AHCTF1: variants seen among roughly 807,000 people sequenced by gnomAD.
The protein encoded by AHCTF1 is AT-hook containing transcription factor 1, also known as protein ELYS.
In AHCTF1, 24 loss-of-function variants were observed where a neutral mutation model predicts 248.4. That is an observed-to-expected ratio of 0.10 (90% CI 0.07 to 0.14). The LOEUF (loss-of-function observed/expected upper bound fraction) is 0.14. AHCTF1 is among the 10% of genes least tolerant of loss of function. The pLI, the probability that AHCTF1 is intolerant of heterozygous loss-of-function variation, is 1.00. For synonymous variants in AHCTF1, 786 were observed against 929.8 expected (o/e 0.85, Z 2.81); for missense variants, 2,206 against 2,636.2 (o/e 0.84, Z 3.57).
intron 26 of AHCTF1, 50 bp from the exon 27 acceptor site, chr1:246,864,166 T>C (rs1183062806): frequency 1.3e-6 from 2 of 1,557,112 alleles, no homozygotes; most frequent in Non-Finnish European, 1.8e-6. Context: ...AACAAAAGAA[T>C]TTAGTATCCC....
At chr1:246,889,903 G>T in intron 17 of AHCTF1, 63 bp downstream of exon 17, 2 of 1,226,030 alleles carry the variant, frequency 1.6e-6, no homozygotes, top group South Asian at 1.3e-5. Context: ...GTAAAACGAT[G>T]AACACTATTC....
intron 33 of AHCTF1, among the ~76,000 whole-genome samples, chr1:246,845,049 T>G (rs1487800269): frequency 4.5e-4 from 68 of 152,114 alleles, no homozygotes; most frequent in Admixed American, 4.5e-3. Flanking sequence ...TGTGGCAGGG[T>G]AGGTGGTAAG....
In AHCTF1 at chr1:246,843,833, T is replaced by G. The variant is rs756277027; in HGVS notation, c.6487A>C (p.Lys2163Gln). ...ISPPALRSRQ[K>Q]NTSNKNKLED... is the part of the protein sequence containing the mutation. ...AGCTTGTTCTTATTGGATGTGTTTT[T>G]TTGTCTGCTCCTTAAAGCAGGAGGT... is the stretch of plus-strand genomic sequence containing the variant. Residue 2163 changes from lysine to glutamine, a missense_variant, in exon 34 of 36, where the codon AAA becomes CAA. Transcript: ENST00000648844. 4.0e-6 allele frequency: 6 copies of G among 1,497,750 alleles called. No homozygotes were observed. The highest frequency in any genetic ancestry group is 5.3e-6 in the Non-Finnish European group (6 of 1,123,534). The allele number at this position is 1,497,750 out of a possible 1,614,324, so 92.8% of individuals were successfully genotyped here.
At position 246,894,681 on chromosome 1, in the gene AHCTF1, T is replaced by G. The variant is rs778469454; in HGVS notation, c.1782A>C (p.Thr594=). Reference sequence around the variant, plus strand: ...TACATAGTCTGTCAAATTCCTCTTTTGTGAGAACCACTTTATTCCACGTCC... The same window carrying G: ...TACATAGTCTGTCAAATTCCTCTTTGGTGAGAACCACTTTATTCCACGTCC... ...LEWTWNKVVL[T]KEEFDRLCVP... Residue 594 remains threonine (T), a synonymous_variant, in exon 14 of 36, where the codon ACA becomes ACC. Transcript: ENST00000648844. The G allele has an allele frequency of 3.7e-6, 6 of 1,612,982 alleles. No individual in the cohort carries two copies. Among genetic ancestry groups the G allele is most frequent in the Non-Finnish European group, 5.1e-6 (6 of 1,179,872 alleles).
At chr1:246,907,900 A>G in intron 4 of AHCTF1, 142 bp from the exon 5 acceptor site, 2 of 700,984 alleles carry the variant, frequency 2.9e-6, no homozygotes, top group Admixed American at 6.9e-5. Flanking sequence ...TGATAACAAA[A>G]AAGTATGTTA....
chr1:246,868,065 C>A (rs1049232231), intron 24 of AHCTF1, among the ~76,000 whole-genome samples: 2 of 151,444 alleles, frequency 1.3e-5, no homozygotes, highest in African/African-American at 2.4e-5. Flanking sequence ...TGGGTTCAAG[C>A]GATTCTCCTG....
At chr1:246,868,805 C>G (rs965605161) in intron 24 of AHCTF1, among the ~76,000 whole-genome samples, 1 of 151,016 alleles carries the variant, frequency 6.6e-6, no homozygotes, top group Non-Finnish European at 1.5e-5. Context: ...ACAGGTCTAC[C>G]TCATTTTATT....
At chr1:246,905,488 CT>C in intron 6 of AHCTF1, 52 bp downstream of exon 6, 2 of 1,447,602 alleles carry the variant, frequency 1.4e-6, no homozygotes, top group Non-Finnish European at 1.9e-6. Flanking sequence ...CAGAGCGAGA[CT>C]CTGTCTCCAA....
Position 246,853,229 on chromosome 1 carries a change from C to T in AHCTF1, c.4425G>A (p.Glu1475=), listed in dbSNP as rs896943331. 1.2e-6 allele frequency: 2 copies of T among 1,613,884 alleles called. No individual in the cohort carries two copies. The highest frequency in any genetic ancestry group is 1.7e-6 in the Non-Finnish European group (2 of 1,179,924). ...GCGCTACTTCCTGGTTAAGCCTGCG[C>T]TCAGAGACAATAGGACCTTCAGAGA... is the stretch of plus-strand genomic sequence containing the variant. ...LTISEGPIVS[E]RRLNQEVALN... is the part of the protein sequence containing the mutation. The change falls in exon 32 of 36, where the codon GAG becomes GAA. Residue 1475 remains glutamate, a synonymous_variant. Transcript: ENST00000648844.
In AHCTF1 at chr1:246,857,793, G is replaced by C. The variant is rs1331496125; in HGVS notation, c.4154C>G (p.Thr1385Arg). The change falls in exon 30 of 36, where the codon ACA becomes AGA. Residue 1385 changes from threonine (T) to arginine (R), a missense_variant. By Grantham distance (71) the Thr-to-Arg change is moderately conservative. Around this residue, in one of 6 missense-constraint regions of AHCTF1, gnomAD observed 955 missense variants for 1,055.6 expected, o/e 0.90. Coordinates refer to ENST00000648844, the MANE Select transcript of AHCTF1 (RefSeq NM_001323342.2). ...KQMGNLEDAE[T>R]KDLLVAAEAF... The stretch of plus-strand genomic sequence containing the variant: ...CTCTGCTGCAACTAAGAGATCCTTT[G>C]TTTCTGCATCTTCTAAATTGCCTAT... The C allele has an allele frequency of 6.2e-7, 1 of 1,611,844 alleles. No individual in the cohort carries two copies.
In AHCTF1 at chr1:246,927,169, C is replaced by T. The variant is rs562036679; in HGVS notation, c.-8+4409G>A. ...CTCCAGCCTGGGCGACAGAGCGAGA[C>T]TCTGTCTCAAAAAAAAAAAAAGAAA... is the stretch of plus-strand genomic sequence containing the variant. On this transcript the variant is annotated intron_variant, in intron 1 of 35. Transcript: ENST00000648844. Among the ~76,000 whole-genome samples, 623 of 150,840 alleles carry T rather than the reference C, an allele frequency of 4.1e-3. 5 individuals are homozygous for T. The highest frequency in any genetic ancestry group is 6.9e-3 in the Non-Finnish European group (466 of 67,700).
intron 21 of AHCTF1, among the ~76,000 whole-genome samples, chr1:246,879,314 C>T (rs190302654): frequency 7.9e-5 from 12 of 152,180 alleles, no homozygotes; most frequent in African/African-American, 2.2e-4. Context: ...ACATAGCATA[C>T]GGTAATTGAG....
chr1:246,900,537 T>G, intron 8 of AHCTF1, 68 bp from the exon 9 acceptor site: 5 of 1,464,452 alleles, frequency 3.4e-6, no homozygotes, highest in Non-Finnish European at 3.7e-6. Context: ...TCAACAGAAT[T>G]ATAGCAAGAT....
At chr1:246,890,360 A>G (rs977018182) in intron 16 of AHCTF1, among the ~76,000 whole-genome samples, 12 of 152,292 alleles carry the variant, frequency 7.9e-5, no homozygotes, top group African/African-American at 2.9e-4. Flanking sequence ...TTCACTACAA[A>G]TCAAAATCTA....
intron 15 of AHCTF1, 124 bp from the exon 16 acceptor site, chr1:246,891,184 G>A: frequency 1.8e-6 from 1 of 562,620 alleles, no homozygotes; most frequent in Non-Finnish European, 3.0e-6. Context: ...ATACATATTT[G>A]TTCAAGATAT....
chr1:246,901,149 G>C (rs967142429), intron 8 of AHCTF1, among the ~76,000 whole-genome samples: 1 of 151,948 alleles, frequency 6.6e-6, no homozygotes, highest in African/African-American at 2.4e-5. Flanking sequence ...GACCAGCCCA[G>C]GCAACACAGC....
chr1:246,853,656 T>C (rs551536958), intron 31 of AHCTF1, among the ~76,000 whole-genome samples: 1 of 149,650 alleles, frequency 6.7e-6, no homozygotes, highest in East Asian at 1.9e-4. Context: ...CAGAATTACA[T>C]GAGGAACATG....
chr1:246,844,731 T>C (rs1422554156), intron 33 of AHCTF1, among the ~76,000 whole-genome samples: 1 of 151,732 alleles, frequency 6.6e-6, no homozygotes, highest in Non-Finnish European at 1.5e-5. Context: ...CAGGAAGATA[T>C]TCCATAGAAA....
chr1:246,851,465 A>C, intron 32 of AHCTF1, 23 bp from the exon 33 acceptor site: 1 of 1,568,940 alleles, frequency 6.4e-7, no homozygotes, highest in Non-Finnish European at 8.6e-7. Flanking sequence ...AAGATAAGAG[A>C]CTGGTTAAAG....
Sources: gnomAD v4.1 joint callset for allele counts (sites outside exome capture counted in the v4.1 genomes callset) on GRCh38, gnomAD v4.1.1 for gene constraint, gnomAD v4.1.1 regional missense constraint, MANE v1.5 for transcripts, NCBI Gene and HGNC (gene_info 2026-07-23, HGNC 2026-07-21) for gene names.